The following RNGTT variants were observed in gnomAD, a reference collection of about 807,000 sequenced individuals.
RNGTT encodes the protein RNA guanylyltransferase and 5'-phosphatase, also known as mRNA-capping enzyme.
Under a neutral mutation model 79.3 loss-of-function variants are expected in RNGTT, and 33 were observed. The ratio of observed to expected loss-of-function variants is 0.42; its 90% CI spans 0.32 to 0.56. The LOEUF (loss-of-function observed/expected upper bound fraction) is 0.56. Ranked by LOEUF, RNGTT falls within the 20% of genes least tolerant of loss-of-function variation. The pLI is 0.17. For synonymous variants in RNGTT, 222 were observed against 235.9 expected (o/e 0.94, Z 0.54); for missense variants, 497 against 739.1 (o/e 0.67, Z 3.80).
At chr6:88,712,234 T>C (rs1442732243) in intron 13 of RNGTT, among the ~76,000 whole-genome samples, 1 of 152,222 alleles carries the variant, frequency 6.6e-6, no homozygotes, top group Non-Finnish European at 1.5e-5. Context: ...TAAATGCTAA[T>C]AATCAAATAC....
At chr6:88,847,367 A>C (rs1405096448) in intron 10 of RNGTT, among the ~76,000 whole-genome samples, 3 of 152,186 alleles carry the variant, frequency 2.0e-5, no homozygotes, top group Admixed American at 1.3e-4. Context: ...GTGAAAAAAA[A>C]AGATGATTGA....
At chr6:88,774,997 T>C (rs1044718392) in intron 12 of RNGTT, among the ~76,000 whole-genome samples, 2 of 152,190 alleles carry the variant, frequency 1.3e-5, no homozygotes, top group Non-Finnish European at 2.9e-5. Flanking sequence ...TATAACTTCC[T>C]AATGTATATA....
At chr6:88,799,066 A>G (rs1028198868) in intron 12 of RNGTT, among the ~76,000 whole-genome samples, 11 of 152,128 alleles carry the variant, frequency 7.2e-5, no homozygotes, top group African/African-American at 2.4e-4. Context: ...AAAAGACACA[A>G]TTTACCACAA....
chr6:88,888,201 G>A (rs995403004), intron 8 of RNGTT, among the ~76,000 whole-genome samples: 3 of 151,986 alleles, frequency 2.0e-5, no homozygotes, highest in Non-Finnish European at 4.4e-5. Context: ...TTAAATGTAT[G>A]CCTCAATCCC....
At chr6:88,845,680 C>T (rs534378026) in intron 10 of RNGTT, among the ~76,000 whole-genome samples, 2 of 152,242 alleles carry the variant, frequency 1.3e-5, no homozygotes, top group East Asian at 3.9e-4. Flanking sequence ...ATTAAATATA[C>T]CTTGGGGATG....
intron 8 of RNGTT, among the ~76,000 whole-genome samples, chr6:88,856,184 G>A (rs1426976276): frequency 6.6e-6 from 1 of 152,062 alleles, no homozygotes; most frequent in African/African-American, 2.4e-5. Flanking sequence ...ACTTAATCCT[G>A]ATATCTGTTA....
chr6:88,735,535 T>C (rs1306447966), intron 13 of RNGTT, among the ~76,000 whole-genome samples: 3 of 136,796 alleles, frequency 2.2e-5, no homozygotes, highest in South Asian at 2.3e-4. Flanking sequence ...TATTTGGAGA[T>C]TAAACAACTT....
intron 12 of RNGTT, among the ~76,000 whole-genome samples, chr6:88,775,757 C>G (rs528098090): frequency 1.1e-3 from 169 of 152,268 alleles, no homozygotes; most frequent in African/African-American, 3.9e-3. Flanking sequence ...GTGTACTCAA[C>G]TTTTTGAGAT....
intron 11 of RNGTT, among the ~76,000 whole-genome samples, chr6:88,834,231 A>G (rs1192026116): frequency 6.6e-6 from 1 of 152,234 alleles, no homozygotes; most frequent in African/African-American, 2.4e-5. Flanking sequence ...TGTGTCAATG[A>G]ATAAGATTTA....
intron 13 of RNGTT, among the ~76,000 whole-genome samples, chr6:88,680,432 T>G (rs1021299165): frequency 3.3e-5 from 5 of 152,070 alleles, no homozygotes; most frequent in African/African-American, 7.2e-5. Flanking sequence ...GAATATCCCC[T>G]GTCCCCTACG....
At chr6:88,631,369 A>G (rs1460296398) in intron 14 of RNGTT, among the ~76,000 whole-genome samples, 1 of 152,220 alleles carries the variant, frequency 6.6e-6, no homozygotes, top group African/African-American at 2.4e-5. Context: ...GGTAGTCTTT[A>G]CACCAAAGGG....
intron 4 of RNGTT, among the ~76,000 whole-genome samples, chr6:88,913,341 C>T (rs755634015): frequency 1.6e-4 from 25 of 151,762 alleles, no homozygotes; most frequent in Non-Finnish European, 3.2e-4. Context: ...AGAGAAGGGA[C>T]CCCTTCCTAA....
At chr6:88,891,692 G>T (rs1443721736) in intron 7 of RNGTT, 114 bp downstream of exon 7, 1 of 567,650 alleles carries the variant, frequency 1.8e-6, no homozygotes, top group Non-Finnish European at 2.8e-6. Context: ...CACCTTTAAA[G>T]TATTCTATTG....
At chr6:88,818,165 A>G (rs1205194292) in intron 11 of RNGTT, among the ~76,000 whole-genome samples, 1 of 152,186 alleles carries the variant, frequency 6.6e-6, no homozygotes, top group African/African-American at 2.4e-5. Flanking sequence ...GTTGAGCATT[A>G]TGTGCAATTG....
rs1413482654 is a variant in RNGTT, at chr6:88,677,683, G to A, written c.1506+670C>T. On this transcript the variant is annotated intron_variant, in intron 14 of 15. Transcript: ENST00000369485. ...TCACTATGTTGCCCAGGCTAGTCTCGAACTTCTGGGCCCAAGCAATCTTCC... is the reference window on the plus strand; with the variant it reads ...TCACTATGTTGCCCAGGCTAGTCTCAAACTTCTGGGCCCAAGCAATCTTCC... Among the ~76,000 whole-genome samples, 4 of 151,728 alleles carry A rather than the reference G, an allele frequency of 2.6e-5. No individual in the cohort carries two copies. The East Asian group carries it at 7.7e-4, about 29-fold the overall frequency.
chr6:88,701,593 T>C (rs930085211), intron 13 of RNGTT, among the ~76,000 whole-genome samples: 3 of 152,124 alleles, frequency 2.0e-5, no homozygotes, highest in Non-Finnish European at 4.4e-5. Flanking sequence ...TTATATTACA[T>C]TGCTTTTCTC....
chr6:88,850,815 T>C (rs1017073169), intron 9 of RNGTT, among the ~76,000 whole-genome samples: 11 of 151,958 alleles, frequency 7.2e-5, no homozygotes, highest in African/African-American at 1.7e-4. Context: ...AGGCATGAAA[T>C]TGTCCAAAGC....
intron 14 of RNGTT, among the ~76,000 whole-genome samples, chr6:88,662,444 A>G (rs1277408920): frequency 6.6e-6 from 1 of 152,176 alleles, no homozygotes; most frequent in African/African-American, 2.4e-5. Flanking sequence ...GACCCCTCAG[A>G]GTTGTAAGCC....
chr6:88,871,309 C>A (rs1290007941), intron 8 of RNGTT, among the ~76,000 whole-genome samples: 1 of 150,698 alleles, frequency 6.6e-6, no homozygotes, highest in African/African-American at 2.4e-5. Flanking sequence ...ATGTTCCATA[C>A]AATAGAATGA....
Sources: gnomAD v4.1 joint callset for allele counts (sites outside exome capture counted in the v4.1 genomes callset) on GRCh38, gnomAD v4.1.1 for gene constraint, MANE v1.5 for transcripts, NCBI Gene and HGNC (gene_info 2026-07-23, HGNC 2026-07-21) for gene names.